Variants in PAK2 observed in about 807,000 individuals in gnomAD.
The protein encoded by PAK2 is p21 (RAC1) activated kinase 2, also known as serine/threonine-protein kinase PAK 2.
PAK2 carries 21 observed loss-of-function variants against 65.9 expected under a neutral mutation model. The ratio of observed to expected loss-of-function variants is 0.32; its 90% confidence interval spans 0.23 to 0.46. The LOEUF (loss-of-function observed/expected upper bound fraction) is 0.46, where lower values mean the gene tolerates loss of function less well. Among genes scored for constraint, PAK2 ranks in the 20% least tolerant of loss-of-function variants. The pLI is 1.00. For synonymous variants in PAK2, 204 were observed against 219.7 expected (o/e 0.93, Z 0.63); for missense variants, 324 against 642.6 (o/e 0.50, Z 5.36).
At chr3:196,802,583 C>G (rs920406298) in intron 3 of PAK2, among the ~76,000 whole-genome samples, 1 of 151,770 alleles carries the variant, frequency 6.6e-6, no homozygotes, top group African/African-American at 2.4e-5. Context: ...TGGCTCACGC[C>G]TGTGTAATCC....
At chr3:196,774,163 A>G (rs2108732476) in intron 1 of PAK2, among the ~76,000 whole-genome samples, 1 of 152,360 alleles carries the variant, frequency 6.6e-6, no homozygotes, top group Non-Finnish European at 1.5e-5. Context: ...AGATAAAATA[A>G]CTAAGGGTTT....
chr3:196,752,594 ATTTG>A (rs572372163), intron 1 of PAK2, among the ~76,000 whole-genome samples: 1,796 of 151,256 alleles, frequency 0.012, 13 homozygotes, highest in African/African-American at 0.026. Flanking sequence ...TGTTTTATTT[ATTTG>A]TTTGTTTGTT....
intron 5 of PAK2, among the ~76,000 whole-genome samples, chr3:196,805,944 C>T (rs1348670294): frequency 6.6e-6 from 1 of 151,454 alleles, no homozygotes; most frequent in East Asian, 1.9e-4. Context: ...TAGAGTCTCG[C>T]TCTGTCGCCC....
At chr3:196,799,475 CAT>C (rs1452237266) in intron 2 of PAK2, among the ~76,000 whole-genome samples, 1 of 152,068 alleles carries the variant, frequency 6.6e-6, no homozygotes, top group Non-Finnish European at 1.5e-5. Flanking sequence ...CGGATGGACT[CAT>C]GTCTTTATTG....
intron 4 of PAK2, among the ~76,000 whole-genome samples, chr3:196,803,560 G>T (rs1715484429): frequency 6.6e-6 from 1 of 152,166 alleles, no homozygotes; most frequent in South Asian, 2.1e-4. Flanking sequence ...ACAAGAGGAG[G>T]TTGAACTAAA....
At chr3:196,827,058 A>G (rs1045968102) in intron 13 of PAK2, 138 bp from the exon 14 acceptor site, 2 of 472,228 alleles carry the variant, frequency 4.2e-6, no homozygotes, top group Non-Finnish European at 3.8e-6. Context: ...ATCTAAATTT[A>G]AATGGGATAA....
At chr3:196,803,842 G>A (rs184461457) in intron 4 of PAK2, among the ~76,000 whole-genome samples, 2 of 152,188 alleles carry the variant, frequency 1.3e-5, no homozygotes, top group Non-Finnish European at 2.9e-5. Flanking sequence ...GTTAACCTAT[G>A]AGAGAACCAG....
At chr3:196,782,879 T>C in intron 2 of PAK2, 46 bp downstream of exon 2, 5 of 1,297,616 alleles carry the variant, frequency 3.9e-6, no homozygotes, top group Admixed American at 4.1e-5. Context: ...TGGTTTATTA[T>C]TGTATGTTAC....
At chr3:196,749,870 G>T (rs1560088932) in intron 1 of PAK2, among the ~76,000 whole-genome samples, 1 of 151,930 alleles carries the variant, frequency 6.6e-6, no homozygotes, top group African/African-American at 2.4e-5. Context: ...TGCCTGGGCT[G>T]GAATGTAGTG....
At chr3:196,799,331 GA>G (rs1715349506) in intron 2 of PAK2, among the ~76,000 whole-genome samples, 1 of 152,174 alleles carries the variant, frequency 6.6e-6, no homozygotes, top group African/African-American at 2.4e-5. Context: ...GAAATCTGAT[GA>G]AACAGTGTGC....
chr3:196,745,637 A>G (rs1713350384), intron 1 of PAK2, among the ~76,000 whole-genome samples: 1 of 151,886 alleles, frequency 6.6e-6, no homozygotes, highest in Admixed American at 6.6e-5. Context: ...ACGTGGTGAA[A>G]CCTTGTGTCT....
chr3:196,812,975 A>G (rs1577742187), intron 10 of PAK2, 124 bp downstream of exon 10: 1 of 593,652 alleles, frequency 1.7e-6, no homozygotes, highest in East Asian at 2.8e-5. Context: ...TGGAAGAAAG[A>G]AGAGGAGAGG....
chr3:196,827,342 A>T lies in PAK2; in HGVS notation c.1488+9A>T, dbSNP rs753065801. 1 of 1,598,318 alleles carries T rather than the reference A, an allele frequency of 6.3e-7. No individual in the cohort carries two copies. Among genetic ancestry groups the T allele is most frequent in the Non-Finnish European group, 8.5e-7 (1 of 1,174,934 alleles). Reference sequence around the variant, plus strand: ...CCAAAGAATTATTACAGGTAAATTTAAAAATGATTTCATTTGGGGGAATAG... The same window carrying T: ...CCAAAGAATTATTACAGGTAAATTTTAAAATGATTTCATTTGGGGGAATAG... On this transcript the variant is annotated intron_variant, in intron 14 of 14. Coordinates refer to ENST00000327134, the MANE Select transcript of PAK2 (RefSeq NM_002577.4).
chr3:196,807,743 T>C lies in PAK2; in HGVS notation c.577-39T>C, dbSNP rs773811707. On this transcript the variant is annotated intron_variant, in intron 6 of 14. Coordinates refer to ENST00000327134, the MANE Select transcript of PAK2 (RefSeq NM_002577.4). ...TTGCCAGGAAGAATATCTGAAAACATTATTCCTCAAACCTTGGTAATGAAC... is the reference window on the plus strand; with the variant it reads ...TTGCCAGGAAGAATATCTGAAAACACTATTCCTCAAACCTTGGTAATGAAC... The C allele has an allele frequency of 4.1e-6, 5 of 1,205,680 alleles. No individual in the cohort carries two copies. The South Asian group carries it at 6.6e-5, about 16-fold the overall frequency. The allele number at this position is 1,205,680 out of a possible 1,614,324, so 74.7% of individuals were successfully genotyped here. A position where few individuals can be genotyped will look rare whatever the true frequency, so the allele number is the denominator to read the frequency against.
intron 2 of PAK2, among the ~76,000 whole-genome samples, chr3:196,787,381 C>A (rs1228690854): frequency 2.0e-5 from 3 of 151,774 alleles, no homozygotes; most frequent in Non-Finnish European, 4.4e-5. Context: ...GAGAGCGAGA[C>A]CATCCTGGCT....
chr3:196,812,405 A>G, intron 9 of PAK2, 138 bp downstream of exon 9: 1 of 659,776 alleles, frequency 1.5e-6, no homozygotes, highest in Non-Finnish European at 2.8e-6. Flanking sequence ...TGTTTATAGC[A>G]CTTCTGTCAG....
intron 1 of PAK2, among the ~76,000 whole-genome samples, chr3:196,774,542 A>ACTTGGGAGGCTGAGGCAGG (rs1714474803): frequency 6.6e-6 from 1 of 152,008 alleles, no homozygotes; most frequent in Non-Finnish European, 1.5e-5. Context: ...AAGAAAAGCT[A>ACTTGGGAGGCTGAGGCAGG]AGAATGCAGA....
chr3:196,826,257 T>C (rs905884824), intron 13 of PAK2, among the ~76,000 whole-genome samples: 8 of 151,930 alleles, frequency 5.3e-5, no homozygotes, highest in African/African-American at 7.2e-5. Context: ...CTGCAAGCTC[T>C]GCCTCCCGGG....
chr3:196,753,511 T>C (rs944828447), intron 1 of PAK2, among the ~76,000 whole-genome samples: 2 of 152,376 alleles, frequency 1.3e-5, no homozygotes, highest in East Asian at 1.9e-4. Context: ...TTCTTTTATC[T>C]CGCTAATTAC....
Sources: gnomAD v4.1 joint callset for allele counts (sites outside exome capture counted in the v4.1 genomes callset) on GRCh38, gnomAD v4.1.1 for gene constraint, MANE v1.5 for transcripts, NCBI Gene and HGNC (gene_info 2026-07-23, HGNC 2026-07-21) for gene names.